GARS1: variants seen among roughly 807,000 people sequenced by gnomAD.
GARS1 encodes glycine--tRNA ligase.
A neutral mutation model predicts 86.4 loss-of-function variants in GARS1; 46 were observed. That is an observed-to-expected ratio of 0.53 (90% confidence interval 0.42 to 0.68). The LOEUF (loss-of-function observed/expected upper bound fraction) is 0.68, where lower values mean the gene tolerates loss of function less well. Ranked by LOEUF, GARS1 falls within the 30% of genes least tolerant of loss-of-function variation. The pLI, the probability that GARS1 is intolerant of heterozygous loss-of-function variation, is 0.00. For missense variants in GARS1, 797 were observed against 915.6 expected (o/e 0.87, Z 1.67); for synonymous variants, 342 against 329.8 (o/e 1.04, Z -0.40).
chr7:30,618,583 A>G (rs560311216), intron 10 of GARS1, among the ~76,000 whole-genome samples: 2 of 152,338 alleles, frequency 1.3e-5, no homozygotes, highest in South Asian at 2.1e-4. Context: ...GTAGTGAGCC[A>G]TGATTGCACC....
intron 14 of GARS1, among the ~76,000 whole-genome samples, chr7:30,629,755 C>A (rs774327260): frequency 2.6e-5 from 4 of 152,242 alleles, no homozygotes; most frequent in Non-Finnish European, 5.9e-5. Flanking sequence ...CAGCCCTATT[C>A]ATTCAACAGA....
At chr7:30,602,643 A>G (rs1375298392) in intron 4 of GARS1, among the ~76,000 whole-genome samples, 1 of 152,242 alleles carries the variant, frequency 6.6e-6, no homozygotes, top group Non-Finnish European at 1.5e-5. Flanking sequence ...TTCAATGTCT[A>G]TACTGAGCTG....
At chr7:30,628,228 A>G (rs1309314703) in intron 13 of GARS1, among the ~76,000 whole-genome samples, 1 of 147,568 alleles carries the variant, frequency 6.8e-6, no homozygotes, top group Non-Finnish European at 1.5e-5. Flanking sequence ...CTTGCCTTCC[A>G]GGCTGGAGTG....
rs2527880 is a variant in GARS1, at chr7:30,622,032, T to C, written c.1468-285T>C. 46,745 of 442,134 alleles carry C rather than the reference T, an allele frequency of 0.11. 3,011 individuals carry two copies. Among genetic ancestry groups the C allele is most frequent in the South Asian group, 0.19 (8,556 of 45,748 alleles). 27.4% of individuals were successfully genotyped at this position (442,134 alleles called of 1,614,324 possible). On this transcript the variant is annotated intron_variant, in intron 11 of 16. Coordinates refer to ENST00000389266, the MANE Select transcript of GARS1 (RefSeq NM_002047.4). ...GTTTTGAGCATTTTAGAAATACTTA[T>C]CAGAAGTTCTTATGCTATGGGTTGG...
At chr7:30,618,079 A>C (rs1480653083) in intron 10 of GARS1, among the ~76,000 whole-genome samples, 1 of 152,202 alleles carries the variant, frequency 6.6e-6, no homozygotes, top group Non-Finnish European at 1.5e-5. Context: ...TGGATTTTTA[A>C]AAATTAAAAA....
chr7:30,621,430 G>GT lies in GARS1; in HGVS notation c.1399dup (p.Tyr467LeufsTer2). On this transcript the variant is annotated frameshift_variant, in exon 11 of 17. Transcript: ENST00000389266. LOFTEE classifies it high-confidence loss of function. ...ATTGTTGGATGTGCTGATCGTTCCT[G>GT]TTATGACCTCTCCTGTCATGCACGA... The GT allele has an allele frequency of 6.2e-7, 1 of 1,614,094 alleles. No individual in the cohort carries two copies.
At chr7:30,601,898 C>G (rs181757514) in intron 4 of GARS1, among the ~76,000 whole-genome samples, 1,764 of 151,946 alleles carry the variant, frequency 0.012, 25 homozygotes, top group Middle Eastern at 0.034. Flanking sequence ...CCTGCCTCAG[C>G]CTCCCAAGTA....
intron 12 of GARS1, 154 bp downstream of exon 12, chr7:30,622,616 T>A: frequency 1.1e-6 from 1 of 881,498 alleles, no homozygotes; most frequent in Non-Finnish European, 1.8e-6. Flanking sequence ...GATTTTGGCA[T>A]TATAGCCTGA....
rs199760356 is a variant in GARS1 at position 30,601,212 on chromosome 7, C to T, written c.569+12C>T. On this transcript the variant is annotated intron_variant, in intron 4 of 16. Transcript: ENST00000389266. Reference sequence around the variant, plus strand: ...GAGCCAGTTTTAAAGTGAGATCTTACTTTGGAGTGGGGGTATCCTACTTTA... The same window carrying T: ...GAGCCAGTTTTAAAGTGAGATCTTATTTTGGAGTGGGGGTATCCTACTTTA... 28 of 1,612,338 alleles carry T rather than the reference C, an allele frequency of 1.7e-5. No individual in the cohort carries two copies. The African/African-American group carries it at 3.6e-4, about 21-fold the overall frequency.
chr7:30,628,571 G>T lies in GARS1; in HGVS notation c.1711G>T (p.Val571Phe), dbSNP rs767359346. Residue 571 changes from valine (V) to phenylalanine (F), a missense_variant, in exon 14 of 17, where the codon GTT becomes TTT. Physicochemically the swap from Val to Phe is conservative, Grantham distance 50. Coordinates refer to ENST00000389266, the MANE Select transcript of GARS1 (RefSeq NM_002047.4). ...FQKTLYVEEV[V>F]PNVIEPSFGL... is the part of the protein sequence containing the mutation. ...TATCTCTTTTTCAGTGGAAGAAGTT[G>T]TTCCGAATGTAATTGAACCTTCCTT... 1.2e-6 allele frequency: 2 copies of T among 1,609,338 alleles called. No homozygotes were observed. The highest frequency in any genetic ancestry group is 2.2e-5 in the East Asian group (1 of 44,804).
rs192450378 is a variant in GARS1, at chr7:30,603,677, G to A, written c.735+105G>A. ...CCATTATGCTGACCCTGGCCACATT[G>A]TAATGAAGCAGAGGTTAATTCTGTC... On this transcript the variant is annotated intron_variant, in intron 6 of 16. Coordinates refer to ENST00000389266, the MANE Select transcript of GARS1 (RefSeq NM_002047.4). 4.9e-6 allele frequency: 4 copies of A among 824,058 alleles called. No homozygotes were observed. In the Admixed American group the frequency reaches 7.2e-5, roughly 15 times the overall value. The allele number at this position is 824,058 out of a possible 1,614,324, so 51.0% of individuals were successfully genotyped here.
chr7:30,596,806 A>G (rs1791258342), intron 1 of GARS1, among the ~76,000 whole-genome samples: 1 of 152,258 alleles, frequency 6.6e-6, no homozygotes, highest in Admixed American at 6.5e-5. Flanking sequence ...CAGCTGAAAA[A>G]TAATTTAAAG....
At chr7:30,618,057 GCTTT>G (rs1782926227) in intron 10 of GARS1, among the ~76,000 whole-genome samples, 1 of 151,972 alleles carries the variant, frequency 6.6e-6, no homozygotes, top group Non-Finnish European at 1.5e-5. Flanking sequence ...TTTCAGAATG[GCTTT>G]CTTTTTATGG....
chr7:30,595,213 C>T, intron 1 of GARS1, 70 bp downstream of exon 1: 2 of 1,339,372 alleles, frequency 1.5e-6, no homozygotes, highest in Non-Finnish European at 1.0e-6. Flanking sequence ...GTCATCCTTC[C>T]CTCCTCCCCG....
chr7:30,616,555 T>C (rs1782894008), intron 9 of GARS1, among the ~76,000 whole-genome samples: 1 of 152,222 alleles, frequency 6.6e-6, no homozygotes. Context: ...AGCAGTGAGC[T>C]TCCTGGCCCT....
intron 13 of GARS1, among the ~76,000 whole-genome samples, chr7:30,626,709 G>T (rs1434045449): frequency 6.6e-6 from 1 of 152,230 alleles, no homozygotes; most frequent in Non-Finnish European, 1.5e-5. Flanking sequence ...GGGGCCGGGC[G>T]TGGTGGCTTA....
At chr7:30,631,626 A>G (rs1451370020) in intron 15 of GARS1, 85 bp downstream of exon 15, 1 of 867,558 alleles carries the variant, frequency 1.2e-6, no homozygotes, top group Non-Finnish European at 2.0e-6. Flanking sequence ...TTTCAATAAA[A>G]ATATAGACTG....
At chr7:30,597,791 G>T (rs573608640) in intron 1 of GARS1, among the ~76,000 whole-genome samples, 3 of 152,306 alleles carry the variant, frequency 2.0e-5, no homozygotes, top group South Asian at 2.1e-4. Flanking sequence ...AGCACATATT[G>T]TATGGAAATG....
At chr7:30,626,184 C>T in intron 12 of GARS1, 50 bp from the exon 13 acceptor site, 1 of 1,138,116 alleles carries the variant, frequency 8.8e-7, no homozygotes. Context: ...TAAATTAAGG[C>T]ACAGGGTGCC....
Sources: allele counts gnomAD v4.1 joint callset (sites outside exome capture counted in the v4.1 genomes callset), GRCh38; gene constraint gnomAD v4.1.1; transcripts MANE v1.5; gene names NCBI Gene and HGNC (gene_info 2026-07-23, HGNC 2026-07-21).